PIN4: variants seen among roughly 807,000 people sequenced by gnomAD.
The protein encoded by PIN4 is peptidylprolyl cis/trans isomerase, NIMA-interacting 4, also known as peptidyl-prolyl cis-trans isomerase NIMA-interacting 4.
A neutral mutation model predicts 8.3 loss-of-function variants in PIN4; 3 were observed. The observed-to-expected ratio is 0.36, with a 90% confidence interval of 0.16 to 0.93. PIN4 has a LOEUF of 0.93. Among genes scored for constraint, PIN4 ranks in the 40% least tolerant of loss-of-function variants. The pLI is 0.44. For missense variants in PIN4, 75 were observed against 100.6 expected, an observed-to-expected ratio of 0.75 and a Z score of 1.09; for synonymous variants, 18 against 32.5, an observed-to-expected ratio of 0.55 and a Z score of 1.52.
intron 3 of PIN4, among the ~76,000 whole-genome samples, chrX:72,209,881 G>A (rs938642079): frequency 6.3e-5 from 7 of 111,319 alleles, no homozygotes; most frequent in Non-Finnish European, 1.3e-4. Flanking sequence ...GGATATCCAT[G>A]TGCAAAAGAA....
At chrX:72,210,168 C>G (rs1290352639) in intron 3 of PIN4, among the ~76,000 whole-genome samples, 1 of 98,468 alleles carries the variant, frequency 1.0e-5, no homozygotes, top group Admixed American at 1.2e-4. Flanking sequence ...GAGTTTAAGA[C>G]TAGCCTGAAT....
chrX:72,262,697 T>A (rs1344079447), intron 3 of PIN4: 2 of 1,107,542 alleles, frequency 1.8e-6, no homozygotes, highest in African/African-American at 3.6e-5. Flanking sequence ...ACTTTCTTTA[T>A]GTTTGGCAGA....
chrX:72,230,859 G>T (rs1485416436), intron 3 of PIN4, among the ~76,000 whole-genome samples: 1 of 111,627 alleles, frequency 9.0e-6, no homozygotes, highest in East Asian at 2.8e-4. Flanking sequence ...CAGCTACTTG[G>T]GGGGCTGAGG....
intron 3 of PIN4, among the ~76,000 whole-genome samples, chrX:72,247,365 G>A (rs1395029247): frequency 2.7e-5 from 3 of 112,092 alleles, no homozygotes; most frequent in South Asian, 3.7e-4. Context: ...GCCCAGTGTC[G>A]CTGGACTCTC....
chrX:72,196,694 T>A, intron 2 of PIN4, 91 bp from the exon 3 acceptor site: 6 of 769,555 alleles, frequency 7.8e-6, no homozygotes, highest in East Asian at 3.4e-5. Flanking sequence ...GTTTTTTTTT[T>A]AACTGGTGGG....
intron 3 of PIN4, among the ~76,000 whole-genome samples, chrX:72,255,053 C>T (rs1452280159): frequency 1.7e-5 from 1 of 59,413 alleles, no homozygotes; most frequent in Non-Finnish European, 3.3e-5. Context: ...GGCGGGGGTC[C>T]GGGGAGGTGG....
At chrX:72,208,258 C>G (rs1212702932) in intron 3 of PIN4, 8 of 1,209,873 alleles carry the variant, frequency 6.6e-6, no homozygotes, top group Non-Finnish European at 7.8e-6. Context: ...GACTCTCATT[C>G]CTGGAGTCCA....
chrX:72,196,728 A>G, intron 2 of PIN4, 57 bp from the exon 3 acceptor site: 1 of 1,071,092 alleles, frequency 9.3e-7, no homozygotes. Context: ...TAACCACTGT[A>G]CTTTAAGGAG....
intron 2 of PIN4, among the ~76,000 whole-genome samples, chrX:72,195,885 G>A (rs1284280688): frequency 7.3e-5 from 8 of 109,510 alleles, no homozygotes; most frequent in South Asian, 3.9e-4. Context: ...TTGGGAGGCC[G>A]AGGCGGGCAG....
intron 1 of PIN4, among the ~76,000 whole-genome samples, chrX:72,185,153 A>AAAAAAAAAAC (rs2042694603): frequency 2.9e-5 from 3 of 102,996 alleles, no homozygotes; most frequent in Non-Finnish European, 6.0e-5. Flanking sequence ...GTCTCAAAAA[A>AAAAAAAAAAC]AAAAAAAAAA....
chrX:72,258,441 C>T (rs1349602855), intron 3 of PIN4, among the ~76,000 whole-genome samples: 4 of 112,130 alleles, frequency 3.6e-5, no homozygotes, highest in Non-Finnish European at 7.5e-5. Context: ...AAACATATGG[C>T]CCCCAAGGAA....
intron 3 of PIN4, among the ~76,000 whole-genome samples, chrX:72,226,693 TCAAC>T (rs2042955667): frequency 9.0e-6 from 1 of 111,401 alleles, no homozygotes; most frequent in Non-Finnish European, 1.9e-5. Context: ...AAAACAAGCC[TCAAC>T]CAACCATCCA....
At chrX:72,229,109 C>T (rs943868541) in intron 3 of PIN4, among the ~76,000 whole-genome samples, 3 of 111,634 alleles carry the variant, frequency 2.7e-5, no homozygotes, top group Admixed American at 1.9e-4. Context: ...AGCCTCAAGA[C>T]TCTCCCATTA....
At chrX:72,228,758 T>C (rs1011946780) in intron 3 of PIN4, among the ~76,000 whole-genome samples, 9 of 111,162 alleles carry the variant, frequency 8.1e-5, no homozygotes, top group Non-Finnish European at 1.7e-4. Flanking sequence ...TGTTTTTTTT[T>C]CAATACAAAT....
intron 3 of PIN4, among the ~76,000 whole-genome samples, chrX:72,216,697 A>G (rs2147591342): frequency 9.0e-6 from 1 of 111,678 alleles, no homozygotes; most frequent in East Asian, 2.8e-4. Flanking sequence ...GGTTAACCAG[A>G]TAACCTTGGG....
intron 3 of PIN4, chrX:72,207,656 T>C: frequency 1.7e-6 from 2 of 1,209,648 alleles, no homozygotes; most frequent in Non-Finnish European, 1.1e-6. Context: ...ACAAGTCGTA[T>C]CCAAATAATT....
At chrX:72,236,583 T>C (rs1175755273) in intron 3 of PIN4, among the ~76,000 whole-genome samples, 1 of 112,053 alleles carries the variant, frequency 8.9e-6, no homozygotes, top group Non-Finnish European at 1.9e-5. Context: ...CATGAGCCAC[T>C]GCACCCAGCC....
intron 2 of PIN4, among the ~76,000 whole-genome samples, chrX:72,195,878 G>A (rs1344879763): frequency 9.0e-6 from 1 of 111,082 alleles, no homozygotes; most frequent in Admixed American, 9.6e-5. Flanking sequence ...TAGCACTTTG[G>A]GAGGCCGAGG....
intron 3 of PIN4, among the ~76,000 whole-genome samples, chrX:72,241,169 T>G (rs112785474): frequency 0.1 from 11,443 of 111,262 alleles, 771 homozygotes; most frequent in East Asian, 0.48. Flanking sequence ...GGAGGCAAGC[T>G]TGGATTGGGC....
Sources: gnomAD v4.1 joint callset for allele counts (sites outside exome capture counted in the v4.1 genomes callset) on GRCh38, gnomAD v4.1.1 for gene constraint, MANE v1.5 for transcripts, NCBI Gene and HGNC (gene_info 2026-07-23, HGNC 2026-07-21) for gene names.